CRPPA: variants seen among roughly 807,000 people sequenced by gnomAD.
CRPPA encodes D-ribitol-5-phosphate cytidylyltransferase.
Under a neutral mutation model 52.0 loss-of-function variants are expected in CRPPA, and 43 were observed. The observed-to-expected ratio is 0.83, with a 90% CI of 0.65 to 1.07. The LOEUF (loss-of-function observed/expected upper bound fraction) is 1.07. CRPPA is among the 50% of genes least tolerant of loss of function. The probability of loss-of-function intolerance (pLI) is 0.00; values close to 1 mark genes in which losing one functional copy is unlikely to be tolerated. For missense variants in CRPPA, 629 were observed against 551.7 expected, an observed-to-expected ratio of 1.14 and a Z score of -1.40; for synonymous variants, 250 against 203.5, an observed-to-expected ratio of 1.23 and a Z score of -1.94.
At chr7:16,103,967 C>G (rs891711808) in intron 9 of CRPPA, among the ~76,000 whole-genome samples, 6 of 151,992 alleles carry the variant, frequency 3.9e-5, no homozygotes, top group Non-Finnish European at 7.4e-5. Flanking sequence ...TAAAATGGGC[C>G]AATTCAAACA....
intron 2 of CRPPA, among the ~76,000 whole-genome samples, chr7:16,385,382 A>T (rs1787232870): frequency 6.6e-6 from 1 of 152,222 alleles, no homozygotes; most frequent in Admixed American, 6.5e-5. Flanking sequence ...AACCAAAGTC[A>T]AGGAAGAAAA....
At chr7:16,403,175 C>T (rs1317352291) in intron 2 of CRPPA, among the ~76,000 whole-genome samples, 1 of 152,014 alleles carries the variant, frequency 6.6e-6, no homozygotes, top group Non-Finnish European at 1.5e-5. Flanking sequence ...ATTTTATACC[C>T]AGAAAAACTA....
intron 2 of CRPPA, among the ~76,000 whole-genome samples, chr7:16,379,620 G>A (rs929623394): frequency 1.3e-5 from 2 of 152,188 alleles, no homozygotes; most frequent in African/African-American, 4.8e-5. Context: ...TCCTACCCAT[G>A]AGCATGGAAT....
chr7:16,407,174 C>A (rs999311452), intron 1 of CRPPA, among the ~76,000 whole-genome samples: 1 of 152,108 alleles, frequency 6.6e-6, no homozygotes, highest in Non-Finnish European at 1.5e-5. Flanking sequence ...GATAGGGTTT[C>A]ATGATGTTGC....
In CRPPA at chr7:16,399,460, T is replaced by C. The variant is rs532681780; in HGVS notation, c.534+6601A>G. ...TGGCACATGTCCAACATGTGACTGATACGAGATTGACAAGACGTTTGATCA... is the reference window on the plus strand; with the variant it reads ...TGGCACATGTCCAACATGTGACTGACACGAGATTGACAAGACGTTTGATCA... On this transcript the variant is annotated intron_variant, in intron 2 of 9. Coordinates refer to ENST00000407010, the MANE Select transcript of CRPPA (RefSeq NM_001101426.4). Among the ~76,000 whole-genome samples the C allele has an allele frequency of 2.0e-5, 3 of 151,964 alleles. No individual in the cohort carries two copies. The South Asian group carries it at 6.2e-4, about 32-fold the overall frequency.
chr7:16,349,862 T>C (rs1786102148), intron 3 of CRPPA, among the ~76,000 whole-genome samples: 1 of 151,698 alleles, frequency 6.6e-6, no homozygotes, highest in African/African-American at 2.4e-5. Flanking sequence ...ATAACAAACT[T>C]CCCAAGGCTG....
chr7:16,224,019 C>A (rs1275836760), intron 8 of CRPPA, among the ~76,000 whole-genome samples: 2 of 152,066 alleles, frequency 1.3e-5, no homozygotes, highest in African/African-American at 2.4e-5. Context: ...TTCTGCCCCC[C>A]ACAAAAAAGA....
At chr7:16,167,574 G>A (rs1042959308) in intron 9 of CRPPA, among the ~76,000 whole-genome samples, 5 of 152,148 alleles carry the variant, frequency 3.3e-5, no homozygotes, top group African/African-American at 1.2e-4. Flanking sequence ...GGTCAGTGTA[G>A]TACAGTATAA....
At chr7:16,215,383 T>C (rs555439306) in intron 9 of CRPPA, among the ~76,000 whole-genome samples, 1 of 152,362 alleles carries the variant, frequency 6.6e-6, no homozygotes, top group South Asian at 2.1e-4. Context: ...CCTAATTCTA[T>C]TTCTTAATAG....
intron 8 of CRPPA, chr7:16,216,456 AACAGCTCCGGTCT>A (rs1782313893): frequency 9.1e-6 from 3 of 329,862 alleles, no homozygotes; most frequent in African/African-American, 6.6e-5. Context: ...GCCGAGTAGG[AACAGCTCCGGTCT>A]ACAGCTCCCA....
chr7:16,282,107 T>C (rs1784333262), intron 5 of CRPPA, among the ~76,000 whole-genome samples: 1 of 152,168 alleles, frequency 6.6e-6, no homozygotes, highest in Admixed American at 6.5e-5. Flanking sequence ...TTTTGTTTGC[T>C]GCTTCTCTTT....
intron 5 of CRPPA, among the ~76,000 whole-genome samples, chr7:16,280,592 A>C (rs1018301610): frequency 1.3e-5 from 2 of 152,254 alleles, no homozygotes; most frequent in African/African-American, 4.8e-5. Flanking sequence ...CAGCATATGT[A>C]GGTTTTCCTT....
intron 6 of CRPPA, among the ~76,000 whole-genome samples, chr7:16,271,480 C>G (rs1302823371): frequency 6.6e-6 from 1 of 152,088 alleles, no homozygotes; most frequent in Non-Finnish European, 1.5e-5. Flanking sequence ...AAGTGGTAAA[C>G]TCAACATAAA....
chr7:16,150,659 C>A (rs955955401), intron 9 of CRPPA, among the ~76,000 whole-genome samples: 1 of 152,168 alleles, frequency 6.6e-6, no homozygotes, highest in African/African-American at 2.4e-5. Context: ...TGAGCACCAT[C>A]TGCTATAAGA....
At chr7:16,353,107 G>A (rs1786200319) in intron 3 of CRPPA, among the ~76,000 whole-genome samples, 2 of 152,168 alleles carry the variant, frequency 1.3e-5, no homozygotes, top group Admixed American at 6.5e-5. Flanking sequence ...TGTAATCCCA[G>A]CACTTTGGAA....
At chr7:16,172,032 A>G (rs1220392380) in intron 9 of CRPPA, among the ~76,000 whole-genome samples, 5 of 152,158 alleles carry the variant, frequency 3.3e-5, no homozygotes, top group African/African-American at 7.2e-5. Context: ...TCAGTTCCCT[A>G]TGGTTCACCT....
chr7:16,249,961 C>T (rs1250841254), intron 8 of CRPPA, among the ~76,000 whole-genome samples: 1 of 152,212 alleles, frequency 6.6e-6, no homozygotes, highest in East Asian at 1.9e-4. Flanking sequence ...TCTAACCCAA[C>T]ACAAGGAAGC....
intron 2 of CRPPA, among the ~76,000 whole-genome samples, chr7:16,379,459 A>C (rs1787010925): frequency 6.6e-6 from 1 of 152,106 alleles, no homozygotes; most frequent in Non-Finnish European, 1.5e-5. Flanking sequence ...CTTAGGATTG[A>C]CTTGGCAATG....
intron 9 of CRPPA, among the ~76,000 whole-genome samples, chr7:16,215,831 G>T (rs983721872): frequency 1.3e-5 from 2 of 152,116 alleles, no homozygotes; most frequent in Non-Finnish European, 1.5e-5. Context: ...TTCTATTTGG[G>T]ATACCTAATA....
Sources: gnomAD v4.1 joint callset for allele counts (sites outside exome capture counted in the v4.1 genomes callset) on GRCh38, gnomAD v4.1.1 for gene constraint, MANE v1.5 for transcripts, NCBI Gene and HGNC (gene_info 2026-07-23, HGNC 2026-07-21) for gene names.